ACE: variants seen among roughly 807,000 people sequenced by gnomAD.
ACE encodes angiotensin I converting enzyme, also known as angiotensin-converting enzyme.
Under a neutral mutation model 162.3 loss-of-function variants are expected in ACE, and 122 were observed. The observed-to-expected ratio is 0.75, with a 90% CI of 0.65 to 0.87. The LOEUF (loss-of-function observed/expected upper bound fraction) is 0.87, where lower values mean the gene tolerates loss of function less well. Among genes scored for constraint, ACE ranks in the 40% least tolerant of loss-of-function variants. The pLI, the probability that ACE is intolerant of heterozygous loss-of-function variation, is 0.00. For synonymous variants in ACE, 796 were observed against 720.6 expected (o/e 1.10, Z -1.68); for missense variants, 1,799 against 1,735.1 (o/e 1.04, Z -0.65).
chr17:63,482,257 T>A (rs1242117815), intron 7 of ACE, among the ~76,000 whole-genome samples: 1 of 151,538 alleles, frequency 6.6e-6, no homozygotes, highest in African/African-American at 2.4e-5. Context: ...GCTGAGATTG[T>A]GCCACTACAG....
At chr17:63,485,467 A>G (rs1357868840) in intron 13 of ACE, 95 bp downstream of exon 13, 1 of 1,543,364 alleles carries the variant, frequency 6.5e-7, no homozygotes, top group Admixed American at 1.7e-5. Context: ...ACCACATTTT[A>G]AATTGAATAT....
chr17:63,497,003 A>G lies in ACE; in HGVS notation c.3691+18A>G, dbSNP rs1001149523. ...GAACTCCGGTACCGCCACCCACCCC[A>G]CCTCCAGCCTTGGGTCTTAACCCCC... On this transcript the variant is annotated intron_variant, in intron 24 of 24. Coordinates refer to ENST00000290866, the MANE Select transcript of ACE (RefSeq NM_000789.4). 1 of 1,432,176 alleles carries G rather than the reference A, an allele frequency of 7.0e-7. No individual in the cohort carries two copies. Among genetic ancestry groups the G allele is most frequent in the Non-Finnish European group, 9.4e-7 (1 of 1,067,576 alleles). 88.7% of individuals were successfully genotyped at this position (1,432,176 alleles called of 1,614,324 possible).
In ACE at chr17:63,481,086, T is replaced by C. The variant is rs1317931125; in HGVS notation, c.848-5T>C. ...GCCAAGCTGTCCCCTTCCTTCCTTA[T>C]CTAGGAGACATGTGGGCCCAGAGCT... On this transcript the variant is annotated splice_polypyrimidine_tract_variant and splice_region_variant and intron_variant, in intron 5 of 24. Coordinates refer to ENST00000290866, the MANE Select transcript of ACE (RefSeq NM_000789.4). 1.9e-6 allele frequency: 3 copies of C among 1,613,776 alleles called. No individual in the cohort carries two copies. Among genetic ancestry groups the C allele is most frequent in the African/African-American group, 1.3e-5 (1 of 75,016 alleles).
At position 63,483,064 on chromosome 17, in the gene ACE, G is replaced by A. The variant is rs2049738374; in HGVS notation, c.1378G>A (p.Glu460Lys). ...CAATTACTTGCTAAAAATGGCACTG[G>A]AAAAAATTGCCTTCCTGCCCTTTGG... ...DINYLLKMALEKIAFLPFGYL... is the reference protein window; with the variant it reads ...DINYLLKMALKKIAFLPFGYL... The change falls in exon 9 of 25, where the codon GAA (glutamate) becomes AAA (lysine). Residue 460 changes from glutamate (E) to lysine (K), a missense_variant. Glu to Lys is a moderately conservative substitution (Grantham distance 56). Transcript: ENST00000290866. The A allele has an allele frequency of 1.2e-6, 2 of 1,614,180 alleles. No individual in the cohort carries two copies. Among genetic ancestry groups the A allele is most frequent in the Non-Finnish European group, 1.7e-6 (2 of 1,180,030 alleles).
Position 63,484,881 on chromosome 17 carries a change from G to T in ACE, c.1921+340G>T. 6.3e-7 allele frequency: 1 copy of T among 1,587,518 alleles called. No individual in the cohort carries two copies. Among genetic ancestry groups the T allele is most frequent in the East Asian group, 2.3e-5 (1 of 43,408 alleles). On this transcript the variant is annotated intron_variant, in intron 12 of 24. Transcript: ENST00000290866. This position sits in a 1 kb window ranked among gnomAD's most constrained non-coding sequence, Gnocchi z 4.0. ...TCTCCTGCGGCCATGGGCCAGGGTT[G>T]GGCTACTGCAGGACTTCCCAGCCTC...
Position 63,479,862 on chromosome 17 carries a change from C to A in ACE, c.605C>A (p.Pro202Gln). The stretch of plus-strand genomic sequence containing the variant: ...AACGCTGCGGGCATCCCGCTGAAAC[C>A]GCTGTACGAGGATTTCACTGCCCTC... Reference protein sequence around the residue: ...WHNAAGIPLKPLYEDFTALSN... With the variant: ...WHNAAGIPLKQLYEDFTALSN... The change falls in exon 4 of 25, where the codon CCG (proline) becomes CAG (glutamine). Residue 202 changes from proline (P) to glutamine (Q), a missense_variant. Physicochemically the swap from Pro to Gln is moderately conservative, Grantham distance 76. Transcript: ENST00000290866. 1.2e-6 allele frequency: 2 copies of A among 1,612,868 alleles called. No homozygotes were observed. Among genetic ancestry groups the A allele is most frequent in the Non-Finnish European group, 1.7e-6 (2 of 1,180,032 alleles).
chr17:63,484,266 C>T lies in ACE; in HGVS notation c.1710-64C>T, dbSNP rs915651531. 5.0e-5 allele frequency: 76 copies of T among 1,530,108 alleles called. No individual in the cohort carries two copies. The highest frequency in any genetic ancestry group is 7.2e-5 in the East Asian group (3 of 41,786). 94.8% of individuals were successfully genotyped at this position (1,530,108 alleles called of 1,614,324 possible). Reference sequence around the variant, plus strand: ...CGGAAGTGGCCAGGGGCATGTGGGCCGGGGTCCAGGAGCAGACTCCAGCCT... The same window carrying T: ...CGGAAGTGGCCAGGGGCATGTGGGCTGGGGTCCAGGAGCAGACTCCAGCCT... On this transcript the variant is annotated intron_variant, in intron 11 of 24. Coordinates refer to ENST00000290866, the MANE Select transcript of ACE (RefSeq NM_000789.4). The surrounding 1 kb of genome is among the most constrained non-coding windows in gnomAD (Gnocchi z 4.0).
rs184457276 is a variant in ACE at position 63,477,325 on chromosome 17, G to C, written c.231G>C (p.Ala77=). The change falls in exon 1 of 25, where the codon GCG becomes GCC. Residue 77 remains alanine, a synonymous_variant. Coordinates refer to ENST00000290866, the MANE Select transcript of ACE (RefSeq NM_000789.4). The stretch of plus-strand genomic sequence containing the variant: ...GGGCGCACGACACCAACATCACCGC[G>C]GAGAATGCAAGGCGCCAGGTGGGCG... The part of the protein sequence containing the change: ...ASWAHDTNIT[A]ENARRQEEAA... The C allele has an allele frequency of 2.9e-6, 4 of 1,378,508 alleles. No homozygotes were observed. The highest frequency in any genetic ancestry group is 3.2e-5 in the East Asian group (1 of 31,536). The allele number at this position is 1,378,508 out of a possible 1,614,324, so 85.4% of individuals were successfully genotyped here.
chr17:63,496,844 C>A lies in ACE; in HGVS notation c.3550C>A (p.Gln1184Lys). 6.2e-7 allele frequency: 1 copy of A among 1,613,432 alleles called. No homozygotes were observed. The highest frequency in any genetic ancestry group is 8.5e-7 in the Non-Finnish European group (1 of 1,180,030). The change falls in exon 24 of 25, where the codon CAG (glutamine) becomes AAG (lysine). Residue 1184 changes from glutamine (Q) to lysine (K), a missense_variant. Physicochemically the swap from Gln to Lys is moderately conservative, Grantham distance 53. Coordinates refer to ENST00000290866, the MANE Select transcript of ACE (RefSeq NM_000789.4). ...GFSRPWPEAM[Q>K]LITGQPNMSA... ...CAGTAGGCCGTGGCCGGAAGCCATG[C>A]AGCTGATCACGGGCCAGCCCAACAT...
intron 20 of ACE, 126 bp from the exon 21 acceptor site, chr17:63,493,796 A>T (rs34607074): frequency 1.3e-6 from 2 of 1,531,012 alleles, no homozygotes; most frequent in Non-Finnish European, 1.8e-6. Flanking sequence ...AGCCACCCAG[A>T]CCATCCCAGG....
In ACE at chr17:63,486,653, C is replaced by T. The variant is rs200649158; in HGVS notation, c.2155C>T (p.Arg719Trp). Residue 719 changes from arginine to tryptophan, a missense_variant, in exon 14 of 25, where the codon CGG (arginine) becomes TGG (tryptophan). Physicochemically the swap from Arg to Trp is moderately radical, Grantham distance 101 (BLOSUM62 -3). Transcript: ENST00000290866. Reference protein sequence around the residue: ...VNQLQNTTIKRIIKKVQDLER... With the variant: ...VNQLQNTTIKWIIKKVQDLER... ...CCAGTTGCAGAACACCACTATCAAG[C>T]GGATCATAAAGAAGGTTCAGGACCT... 9.9e-5 allele frequency: 159 copies of T among 1,614,200 alleles called. No individual in the cohort carries two copies. Among genetic ancestry groups the T allele is most frequent in the Admixed American group, 7.8e-4 (47 of 60,018 alleles).
chr17:63,491,975 CG>C lies in ACE; in HGVS notation c.2912+597del, dbSNP rs1400960606. Among the ~76,000 whole-genome samples, 2 of 152,246 alleles carry C rather than the reference CG, an allele frequency of 1.3e-5. No individual in the cohort carries two copies. The highest frequency in any genetic ancestry group is 2.9e-5 in the Non-Finnish European group (2 of 68,040). On this transcript the variant is annotated intron_variant, in intron 19 of 24. Coordinates refer to ENST00000290866, the MANE Select transcript of ACE (RefSeq NM_000789.4). This position sits in a 1 kb window ranked among gnomAD's most constrained non-coding sequence, Gnocchi z 4.4. Reference sequence around the variant, plus strand: ...CTCTGTTGGGGGCAGCTCTCACAGCCGGGATGGCTCAATGGGGGCCATACGT... The same window carrying C: ...CTCTGTTGGGGGCAGCTCTCACAGCCGGATGGCTCAATGGGGGCCATACGT...
In ACE at chr17:63,494,021, G is replaced by A. The variant is rs752369560; in HGVS notation, c.3236G>A (p.Gly1079Glu). 2 of 1,614,130 alleles carry A rather than the reference G, an allele frequency of 1.2e-6. No homozygotes were observed. Among genetic ancestry groups the A allele is most frequent in the Admixed American group, 3.3e-5 (2 of 60,016 alleles). The change falls in exon 21 of 25, where the codon GGA becomes GAA. Residue 1079 changes from glycine (G) to glutamate (E), a missense_variant. Coordinates refer to ENST00000290866, the MANE Select transcript of ACE (RefSeq NM_000789.4). ...CAGTGGCGCTGGAGGGTATTTGATG[G>A]AAGCATCACCAAGGAGAACTATAAC... ...VDQWRWRVFD[G>E]SITKENYNQE...
intron 3 of ACE, 97 bp downstream of exon 3, chr17:63,479,197 C>A: frequency 1.9e-6 from 2 of 1,056,864 alleles, no homozygotes; most frequent in Non-Finnish European, 2.8e-6. Flanking sequence ...TCTGTGGAGA[C>A]AGCAGGTAAA....
intron 2 of ACE, 144 bp from the exon 3 acceptor site, chr17:63,478,863 C>T (rs2049661007): frequency 2.8e-6 from 2 of 718,042 alleles, no homozygotes; most frequent in Non-Finnish European, 5.0e-6. Flanking sequence ...CTAAGTGACA[C>T]TTAGTGATCA....
Position 63,483,567 on chromosome 17 carries a change from G to GCGGGGGGGGGCCCCCCCCCCC in ACE, c.1586+10_1586+11insGGGGGGGGGCCCCCCCCCCCC. 1 of 1,589,328 alleles carries GCGGGGGGGGGCCCCCCCCCCC rather than the reference G, an allele frequency of 6.3e-7. No homozygotes were observed. Among genetic ancestry groups the GCGGGGGGGGGCCCCCCCCCCC allele is most frequent in the Non-Finnish European group, 8.6e-7 (1 of 1,165,524 alleles). ...GTGACACCATACATCAGGTATTAGC[G>GCGGGGGGGGGCCCCCCCCCCC]CCCCCACCCCACCCACCCCCAGTAC... On this transcript the variant is annotated intron_variant, in intron 10 of 24. Transcript: ENST00000290866.
At chr17:63,481,067 C>T in intron 5 of ACE, 24 bp from the exon 6 acceptor site, 1 of 1,605,754 alleles carries the variant, frequency 6.2e-7, no homozygotes, top group East Asian at 2.2e-5. Context: ...GGGAGCCAAG[C>T]TGTCCCCTTC....
rs372626836 is a variant in ACE at position 63,482,621 on chromosome 17, C to G, written c.1274C>G (p.Ala425Gly). ...CATGAGGCCATTGGGGACGTGCTGG[C>G]GCTCTCGGTCTCCACTCCTGAACAT... ...GFHEAIGDVL[A>G]LSVSTPEHLH... The change falls in exon 8 of 25, where the codon GCG becomes GGG. Residue 425 changes from alanine to glycine, a missense_variant. By Grantham distance (60) the Ala-to-Gly change is moderately conservative. Coordinates refer to ENST00000290866, the MANE Select transcript of ACE (RefSeq NM_000789.4). 6.2e-7 allele frequency: 1 copy of G among 1,614,058 alleles called. No homozygotes were observed. The highest frequency in any genetic ancestry group is 8.5e-7 in the Non-Finnish European group (1 of 1,180,006).
At chr17:63,492,965 T>C (rs2147566042) in intron 19 of ACE, among the ~76,000 whole-genome samples, 1 of 152,312 alleles carries the variant, frequency 6.6e-6, no homozygotes, top group East Asian at 1.9e-4. Context: ...TAAGAATTCT[T>C]GGGGTGAATA....
Sources: allele counts gnomAD v4.1 joint callset (sites outside exome capture counted in the v4.1 genomes callset), GRCh38; gene constraint gnomAD v4.1.1; non-coding constraint Gnocchi (gnomAD v3.1); transcripts MANE v1.5; gene names NCBI Gene and HGNC (gene_info 2026-07-23, HGNC 2026-07-21).